Variants in EPB41L3 observed in about 807,000 individuals in gnomAD.
EPB41L3 encodes the protein erythrocyte membrane protein band 4.1 like 3.
In EPB41L3, 57 loss-of-function variants were observed where a neutral mutation model predicts 127.1. The observed-to-expected ratio is 0.45, with a 90% CI of 0.36 to 0.56. The LOEUF (loss-of-function observed/expected upper bound fraction) is 0.56, where lower values mean the gene tolerates loss of function less well. Ranked by LOEUF, EPB41L3 falls within the 20% of genes least tolerant of loss-of-function variation. The pLI is 0.00. For missense variants in EPB41L3, 1,273 were observed against 1,372.2 expected (o/e 0.93, Z 1.14); for synonymous variants, 572 against 549.5 (o/e 1.04, Z -0.57).
intron 3 of EPB41L3, among the ~76,000 whole-genome samples, chr18:5,581,216 T>C (rs996829329): frequency 2.0e-5 from 3 of 152,228 alleles, no homozygotes; most frequent in African/African-American, 7.2e-5. Flanking sequence ...TAATGAATGA[T>C]AGCAATATAA....
At chr18:5,625,116 A>C (rs1428223205) in intron 1 of EPB41L3, among the ~76,000 whole-genome samples, 1 of 152,084 alleles carries the variant, frequency 6.6e-6, no homozygotes, top group Admixed American at 6.6e-5. Context: ...CAGGGCTTTG[A>C]ATACAAATCA....
intron 3 of EPB41L3, among the ~76,000 whole-genome samples, chr18:5,555,286 G>A (rs528542438): frequency 6.6e-6 from 1 of 152,258 alleles, no homozygotes; most frequent in Non-Finnish European, 1.5e-5. Flanking sequence ...ATTCATGTGT[G>A]TTGACCATTG....
chr18:5,605,941 G>C (rs2094646804), intron 3 of EPB41L3, among the ~76,000 whole-genome samples: 1 of 152,104 alleles, frequency 6.6e-6, no homozygotes, highest in Non-Finnish European at 1.5e-5. Context: ...GCAGAAGGAG[G>C]AGGATGAAAA....
At chr18:5,406,316 T>C (rs2075376879) in intron 16 of EPB41L3, among the ~76,000 whole-genome samples, 1 of 152,070 alleles carries the variant, frequency 6.6e-6, no homozygotes, top group African/African-American at 2.4e-5. Flanking sequence ...AAAAATCAAA[T>C]AAAACTCTTG....
chr18:5,583,606 C>T (rs919719457), intron 3 of EPB41L3, among the ~76,000 whole-genome samples: 21 of 152,334 alleles, frequency 1.4e-4, no homozygotes, highest in African/African-American at 5.1e-4. Flanking sequence ...TACTTTTCTG[C>T]AAATACGTCA....
rs1424060809 is a variant in EPB41L3 at position 5,477,821 on chromosome 18, C to T, written c.381+420G>A. Among the ~76,000 whole-genome samples the T allele has an allele frequency of 2.6e-5, 4 of 152,296 alleles. No individual in the cohort carries two copies. The East Asian group carries it at 7.7e-4, about 29-fold the overall frequency. ...AGCAAGAAAAGGTCATGGACATTTT[C>T]AAATTATCCCACCACCCCTATGTAC... On this transcript the variant is annotated intron_variant, in intron 3 of 22. Coordinates refer to ENST00000341928, the MANE Select transcript of EPB41L3 (RefSeq NM_012307.5).
chr18:5,604,021 G>T (rs554690828), intron 3 of EPB41L3, among the ~76,000 whole-genome samples: 1 of 59,828 alleles, frequency 1.7e-5, no homozygotes, highest in Non-Finnish European at 4.0e-5. Flanking sequence ...ACACACACAC[G>T]TGCACACACA....
At chr18:5,479,370 C>T (rs945852585) in intron 2 of EPB41L3, among the ~76,000 whole-genome samples, 2 of 152,216 alleles carry the variant, frequency 1.3e-5, no homozygotes, top group African/African-American at 4.8e-5. Flanking sequence ...ATAAGCATGG[C>T]ATTTCCTTTC....
intron 9 of EPB41L3, among the ~76,000 whole-genome samples, chr18:5,427,265 T>C (rs2078316858): frequency 6.6e-6 from 1 of 152,274 alleles, no homozygotes; most frequent in South Asian, 2.1e-4. Flanking sequence ...TATCAGAAAA[T>C]GTTCAGAGAT....
chr18:5,537,101 C>A (rs1010603065), intron 1 of EPB41L3, among the ~76,000 whole-genome samples: 1 of 152,136 alleles, frequency 6.6e-6, no homozygotes, highest in Non-Finnish European at 1.5e-5. Context: ...GTTAAAAGAA[C>A]CATGCCACAT....
At chr18:5,619,446 T>A (rs1404200294) in intron 1 of EPB41L3, among the ~76,000 whole-genome samples, 1 of 152,200 alleles carries the variant, frequency 6.6e-6, no homozygotes, top group Non-Finnish European at 1.5e-5. Flanking sequence ...GGTCAGACAC[T>A]TTTTCCCATA....
intron 1 of EPB41L3, among the ~76,000 whole-genome samples, chr18:5,535,485 A>C (rs923751734): frequency 6.6e-6 from 1 of 152,234 alleles, no homozygotes; most frequent in African/African-American, 2.4e-5. Context: ...TGAGTAGCAC[A>C]AAATGGTATA....
At position 5,398,106 on chromosome 18, in the gene EPB41L3, G is replaced by A; in HGVS notation, c.2387C>T (p.Ser796Phe). 6.2e-7 allele frequency: 1 copy of A among 1,614,114 alleles called. No homozygotes were observed. Among genetic ancestry groups the A allele is most frequent in the Non-Finnish European group, 8.5e-7 (1 of 1,180,014 alleles). ...QSSGEKLMDG[S>F]EIFSLLESAR... ...AGACTCTAATAAACTGAAGATTTCAGAGCCATCCATGAGCTTTTCCCCAGA... is the reference window on the plus strand; with the variant it reads ...AGACTCTAATAAACTGAAGATTTCAAAGCCATCCATGAGCTTTTCCCCAGA... The change falls in exon 17 of 23, where the codon TCT becomes TTT. Residue 796 changes from serine (S) to phenylalanine (F), a missense_variant. Transcript: ENST00000341928.
intron 2 of EPB41L3, among the ~76,000 whole-genome samples, chr18:5,484,824 A>G (rs1010512586): frequency 1.3e-5 from 2 of 151,978 alleles, no homozygotes; most frequent in Middle Eastern, 3.2e-3. Flanking sequence ...GTCATGAGTA[A>G]TGAGATCAAA....
intron 3 of EPB41L3, among the ~76,000 whole-genome samples, chr18:5,599,994 T>G (rs529370239): frequency 6.6e-6 from 1 of 152,264 alleles, no homozygotes; most frequent in Admixed American, 6.5e-5. Flanking sequence ...TTCAAAGCTG[T>G]AAAAAGTTGT....
chr18:5,477,019 C>T (rs552318490), intron 3 of EPB41L3, among the ~76,000 whole-genome samples: 1 of 152,242 alleles, frequency 6.6e-6, no homozygotes, highest in East Asian at 1.9e-4. Flanking sequence ...TTTTCAAAAA[C>T]CATATAGACT....
intron 3 of EPB41L3, among the ~76,000 whole-genome samples, chr18:5,604,218 C>G (rs2094622837): frequency 1.3e-5 from 2 of 151,680 alleles, no homozygotes. Flanking sequence ...TCCTTACCCA[C>G]CAATGGCTTG....
At chr18:5,445,866 G>A (rs773204131) in intron 3 of EPB41L3, among the ~76,000 whole-genome samples, 10 of 152,118 alleles carry the variant, frequency 6.6e-5, no homozygotes, top group South Asian at 2.1e-4. Context: ...TAGGTTGCGC[G>A]CTCCTTATGA....
At chr18:5,626,785 C>T (rs1316321557) in intron 1 of EPB41L3, among the ~76,000 whole-genome samples, 2 of 152,194 alleles carry the variant, frequency 1.3e-5, no homozygotes, top group African/African-American at 2.4e-5. Flanking sequence ...TAAAATCCTA[C>T]AAAAATCTTG....
Sources: gnomAD v4.1 joint callset for allele counts (sites outside exome capture counted in the v4.1 genomes callset) on GRCh38, gnomAD v4.1.1 for gene constraint, MANE v1.5 for transcripts, NCBI Gene and HGNC (gene_info 2026-07-23, HGNC 2026-07-21) for gene names.